DPM1: variants seen among roughly 807,000 people sequenced by gnomAD.
DPM1 encodes the protein dolichol-phosphate mannosyltransferase subunit 1.
Under a neutral mutation model 39.0 loss-of-function variants are expected in DPM1, and 27 were observed. That is an observed-to-expected ratio of 0.69 (90% CI 0.51 to 0.95). DPM1 has a LOEUF of 0.95. Ranked by LOEUF, DPM1 falls within the 40% of genes least tolerant of loss-of-function variation. The pLI, the probability that DPM1 is intolerant of heterozygous loss-of-function variation, is 0.00. For missense variants in DPM1, 307 were observed against 315.6 expected, an observed-to-expected ratio of 0.97 and a Z score of 0.21; for synonymous variants, 124 against 109.0, an observed-to-expected ratio of 1.14 and a Z score of -0.86.
rs80243031 is a variant in DPM1 at position 50,958,298 on chromosome 20, G to T, written c.161+65C>A. The T allele has an allele frequency of 1.9e-6, 3 of 1,594,118 alleles. No individual in the cohort carries two copies. In the Admixed American group the frequency reaches 5.1e-5, roughly 27 times the overall value. ...ACAGGGCCGCTTCGCGCAGCCAGCT[G>T]CCGACACCCGGGCCGGGGAAGCCAG... On this transcript the variant is annotated intron_variant, in intron 1 of 8. Transcript: ENST00000371588.
At chr20:50,941,831 G>A (rs113716637) in intron 6 of DPM1, among the ~76,000 whole-genome samples, 200 bp downstream of exon 6, 5 of 152,212 alleles carry the variant, frequency 3.3e-5, no homozygotes, top group African/African-American at 1.2e-4. Context: ...AGGTCCAAAG[G>A]TTTATGCTGA....
chr20:50,951,901 T>A (rs577080243), intron 2 of DPM1, among the ~76,000 whole-genome samples: 1 of 152,346 alleles, frequency 6.6e-6, no homozygotes, highest in Non-Finnish European at 1.5e-5. Context: ...ATGTAGGAAA[T>A]CCAAACTATT....
At chr20:50,942,172 C>G in intron 5 of DPM1, 46 bp from the exon 6 acceptor site, 1 of 1,524,570 alleles carries the variant, frequency 6.6e-7, no homozygotes, top group Non-Finnish European at 9.1e-7. Flanking sequence ...ACTGAGCTTT[C>G]AACAGTCATT....
chr20:50,958,495 G>C lies in DPM1; in HGVS notation c.29C>G (p.Pro10Arg), dbSNP rs755912457. 1 of 1,613,864 alleles carries C rather than the reference G, an allele frequency of 6.2e-7. No individual in the cohort carries two copies. The highest frequency in any genetic ancestry group is 8.5e-7 in the Non-Finnish European group (1 of 1,180,012). Reference protein sequence around the residue: MASLEVSRSPRRSRRELEVR... With the variant: MASLEVSRSRRRSRRELEVR... The stretch of plus-strand genomic sequence containing the variant: ...TTCCAGCTCCCGCCGAGACCTGCGA[G>C]GACTACGACTGACTTCCAAGGAGGC... Residue 10 changes from proline to arginine, a missense_variant, in exon 1 of 9, where the codon CCT (proline) becomes CGT (arginine). Coordinates refer to ENST00000371588, the MANE Select transcript of DPM1 (RefSeq NM_003859.3).
chr20:50,958,554 A>C (rs769846202), upstream of DPM1: 12 of 1,612,370 alleles, frequency 7.4e-6, no homozygotes, highest in Non-Finnish European at 1.0e-5. Flanking sequence ...CGGAAGCGGA[A>C]TTACGTAATG....
At chr20:50,943,219 G>A (rs554684195) in intron 5 of DPM1, among the ~76,000 whole-genome samples, 2 of 152,206 alleles carry the variant, frequency 1.3e-5, no homozygotes, top group East Asian at 3.9e-4. Context: ...CATCCCTACA[G>A]GTCAAGAGAG....
At chr20:50,942,938 G>A (rs1311477851) in intron 5 of DPM1, among the ~76,000 whole-genome samples, 1 of 152,214 alleles carries the variant, frequency 6.6e-6, no homozygotes, top group Non-Finnish European at 1.5e-5. Flanking sequence ...AGCACTTTGG[G>A]AGGCCTAGGC....
intron 6 of DPM1, 21 bp from the exon 7 acceptor site, chr20:50,940,954 ATCT>A: frequency 3.1e-6 from 5 of 1,611,962 alleles, no homozygotes; most frequent in Non-Finnish European, 4.2e-6. Context: ...AAACAATCAG[ATCT>A]TCTTTACAAA....
intron 2 of DPM1, among the ~76,000 whole-genome samples, chr20:50,952,938 T>C (rs1986654678): frequency 6.6e-6 from 1 of 152,208 alleles, no homozygotes; most frequent in Non-Finnish European, 1.5e-5. Flanking sequence ...GAGCAGATCT[T>C]AACTGTCCTC....
At chr20:50,940,494 T>C (rs1015098325) in intron 7 of DPM1, among the ~76,000 whole-genome samples, 1 of 152,244 alleles carries the variant, frequency 6.6e-6, no homozygotes, top group Admixed American at 6.5e-5. Flanking sequence ...GAGAGCTCTA[T>C]ATAAATATTA....
intron 2 of DPM1, among the ~76,000 whole-genome samples, chr20:50,950,095 CCTTA>C (rs1325837540): frequency 1.3e-5 from 2 of 152,072 alleles, no homozygotes; most frequent in African/African-American, 4.8e-5. Context: ...TGCTTTGATT[CCTTA>C]CTTTTTATCT....
chr20:50,941,028 C>G lies in DPM1; in HGVS notation c.495-95G>C, dbSNP rs143086866. The G allele has an allele frequency of 8.6e-5, 100 of 1,163,550 alleles. No homozygotes were observed. In the African/African-American group the frequency reaches 1.4e-3, roughly 16 times the overall value. 72.1% of individuals were successfully genotyped at this position (1,163,550 alleles called of 1,614,324 possible). A position where few individuals can be genotyped will look rare whatever the true frequency, so the allele number is the denominator to read the frequency against. The stretch of plus-strand genomic sequence containing the variant: ...CAGTGTTAAAATGCTATACTAATTT[C>G]ATAAATGTAACATTAATTTCATAAA... On this transcript the variant is annotated intron_variant, in intron 6 of 8. Coordinates refer to ENST00000371588, the MANE Select transcript of DPM1 (RefSeq NM_003859.3).
rs1555822494 is a variant in DPM1 at position 50,945,284 on chromosome 20, T to TGTTGTG, written c.398+452_398+453insCACAAC. 4 of 157,096 alleles carry TGTTGTG rather than the reference T, an allele frequency of 2.5e-5. No individual in the cohort carries two copies. In the East Asian group the frequency reaches 7.2e-4, roughly 28 times the overall value. The allele number at this position is 157,096 out of a possible 1,614,324, so 9.7% of individuals were successfully genotyped here. A position where few individuals can be genotyped will look rare whatever the true frequency, so the allele number is the denominator to read the frequency against. ...TACATCATTTAGTCTCAAATGTGTG[T>TGTTGTG]TGTGTGTGTGTGTGTGTGTGTGTGT... On this transcript the variant is annotated intron_variant, in intron 5 of 8. Coordinates refer to ENST00000371588, the MANE Select transcript of DPM1 (RefSeq NM_003859.3).
intron 6 of DPM1, 102 bp downstream of exon 6, chr20:50,941,929 G>C: frequency 2.0e-6 from 2 of 999,966 alleles, no homozygotes; most frequent in Admixed American, 3.5e-5. Flanking sequence ...GTTATAACCT[G>C]ATCCCACAAA....
At chr20:50,941,226 G>T in intron 6 of DPM1, 1 of 49,742 alleles carries the variant, frequency 2.0e-5, no homozygotes, top group Non-Finnish European at 3.4e-5. Context: ...AAAAAAAAGT[G>T]AATATATATA....
chr20:50,956,023 A>G (rs1405631098), intron 1 of DPM1, among the ~76,000 whole-genome samples: 1 of 152,266 alleles, frequency 6.6e-6, no homozygotes, highest in Non-Finnish European at 1.5e-5. Flanking sequence ...ATAATCAAGT[A>G]TAAATCTGAT....
chr20:50,947,151 T>C (rs1986336847), intron 3 of DPM1, among the ~76,000 whole-genome samples: 1 of 152,126 alleles, frequency 6.6e-6, no homozygotes. Context: ...GAGATCGCGG[T>C]GAGCCGAGAT....
intron 8 of DPM1, among the ~76,000 whole-genome samples, chr20:50,935,494 G>A (rs1403833434): frequency 6.6e-6 from 1 of 152,124 alleles, no homozygotes; most frequent in Non-Finnish European, 1.5e-5. Context: ...TATTACCTTG[G>A]TTTACTCAAG....
intron 5 of DPM1, among the ~76,000 whole-genome samples, chr20:50,942,852 C>A (rs1382142817): frequency 6.6e-6 from 1 of 152,110 alleles, no homozygotes; most frequent in East Asian, 1.9e-4. Context: ...AAAAAAAGTA[C>A]ATTTTGTGAC....
Sources: allele counts gnomAD v4.1 joint callset (sites outside exome capture counted in the v4.1 genomes callset), GRCh38; gene constraint gnomAD v4.1.1; transcripts MANE v1.5; gene names NCBI Gene and HGNC (gene_info 2026-07-23, HGNC 2026-07-21).